Variants in IQSEC1 observed in about 807,000 individuals in gnomAD.
IQSEC1 encodes the protein IQ motif and Sec7 domain ArfGEF 1, also known as IQ motif and SEC7 domain-containing protein 1.
IQSEC1 carries 31 observed loss-of-function variants against 91.0 expected under a neutral mutation model. The observed-to-expected ratio is 0.34, with a 90% confidence interval of 0.26 to 0.46. IQSEC1 has a LOEUF of 0.46. IQSEC1 is among the 20% of genes least tolerant of loss of function. The pLI is 1.00. For missense variants in IQSEC1, 1,388 were observed against 1,575.6 expected, an observed-to-expected ratio of 0.88 and a Z score of 2.02; for synonymous variants, 699 against 662.6, an observed-to-expected ratio of 1.05 and a Z score of -0.84.
At chr3:12,944,107 A>G (rs1164506860) in intron 1 of IQSEC1, among the ~76,000 whole-genome samples, 1 of 152,108 alleles carries the variant, frequency 6.6e-6, no homozygotes, top group Non-Finnish European at 1.5e-5. Flanking sequence ...CAGTTTCCCT[A>G]TCAGTAACAC....
At chr3:13,026,310 C>T (rs906156224) in intron 1 of IQSEC1, among the ~76,000 whole-genome samples, 2 of 152,214 alleles carry the variant, frequency 1.3e-5, no homozygotes, top group African/African-American at 2.4e-5. Flanking sequence ...GTCCAGTTCC[C>T]TTAACCCCAT....
At chr3:13,139,484 A>G (rs1706764532) in intron 2 of IQSEC1, among the ~76,000 whole-genome samples, 1 of 152,204 alleles carries the variant, frequency 6.6e-6, no homozygotes, top group Admixed American at 6.5e-5. Flanking sequence ...AAGACCCCTG[A>G]GGGGCCACAG....
chr3:13,256,046 T>G (rs1488770722), intron 1 of IQSEC1, among the ~76,000 whole-genome samples: 1 of 152,158 alleles, frequency 6.6e-6, no homozygotes, highest in African/African-American at 2.4e-5. Flanking sequence ...AAGCTGCCAG[T>G]GGTGCCAAGG....
At chr3:13,039,563 C>A (rs1352377659) in intron 1 of IQSEC1, among the ~76,000 whole-genome samples, 1 of 152,222 alleles carries the variant, frequency 6.6e-6, no homozygotes, top group Admixed American at 6.5e-5. Flanking sequence ...CAGCCGCTTG[C>A]AAAGCCTCTA....
intron 1 of IQSEC1, among the ~76,000 whole-genome samples, chr3:12,947,992 G>A (rs1699294968): frequency 6.6e-6 from 1 of 152,232 alleles, no homozygotes; most frequent in Admixed American, 6.5e-5. Context: ...TCCTCCTGCT[G>A]CCCCGCCCCA....
chr3:13,239,864 G>A (rs543654911), intron 1 of IQSEC1, among the ~76,000 whole-genome samples: 8 of 152,304 alleles, frequency 5.3e-5, no homozygotes, highest in East Asian at 1.9e-4. Context: ...TGGGGGCCCC[G>A]AGGGGCTGCG....
chr3:13,084,367 G>A (rs929953582), intron 2 of IQSEC1, among the ~76,000 whole-genome samples: 1 of 152,146 alleles, frequency 6.6e-6, no homozygotes, highest in Non-Finnish European at 1.5e-5. Context: ...GCCTGTGTCC[G>A]GATGCTCTTT....
At chr3:13,255,720 G>A (rs1210750393) in intron 1 of IQSEC1, among the ~76,000 whole-genome samples, 3 of 152,076 alleles carry the variant, frequency 2.0e-5, no homozygotes, top group South Asian at 2.1e-4. Context: ...GGGCTCAAGC[G>A]ATCCTCCCAC....
intron 1 of IQSEC1, among the ~76,000 whole-genome samples, chr3:13,195,153 A>G (rs961497524): frequency 1.1e-4 from 17 of 152,356 alleles, no homozygotes; most frequent in African/African-American, 4.1e-4. Context: ...ACAGTAAAAC[A>G]CCAAACAATC....
intron 1 of IQSEC1, among the ~76,000 whole-genome samples, chr3:13,049,915 T>C (rs1704632116): frequency 6.6e-6 from 1 of 152,200 alleles, no homozygotes; most frequent in African/African-American, 2.4e-5. Flanking sequence ...GTACGGTCGC[T>C]GAAGTCTGCA....
chr3:13,107,531 C>T (rs574663340), intron 2 of IQSEC1, among the ~76,000 whole-genome samples: 30 of 152,358 alleles, frequency 2.0e-4, no homozygotes, highest in Middle Eastern at 3.4e-3. Context: ...GGCCACAGAG[C>T]TGGTAAGTGG....
chr3:13,212,066 G>A (rs1446991949), intron 1 of IQSEC1, among the ~76,000 whole-genome samples: 1 of 152,206 alleles, frequency 6.6e-6, no homozygotes, highest in East Asian at 1.9e-4. Flanking sequence ...ATTGTGTGCT[G>A]TGCCTCTGAG....
intron 2 of IQSEC1, among the ~76,000 whole-genome samples, chr3:13,135,831 G>A (rs181544156): frequency 3.5e-4 from 53 of 152,264 alleles, no homozygotes; most frequent in Non-Finnish European, 5.3e-4. Context: ...GAAGGCTGTC[G>A]AGGGCCCTAT....
At chr3:13,279,493 T>C (rs1695749999) in intron 1 of IQSEC1, among the ~76,000 whole-genome samples, 1 of 152,260 alleles carries the variant, frequency 6.6e-6, no homozygotes, top group African/African-American at 2.4e-5. Flanking sequence ...TAAAGGTTTC[T>C]GGACTTGTAC....
chr3:13,092,018 C>A (rs1259930264), intron 2 of IQSEC1, among the ~76,000 whole-genome samples: 2 of 152,070 alleles, frequency 1.3e-5, no homozygotes. Context: ...GTTCTAAGGG[C>A]CTGTGCATGG....
In IQSEC1 at chr3:12,899,840, T is replaced by C. The variant is rs1330630219; in HGVS notation, c.*1143A>G. On this transcript the variant is annotated 3_prime_UTR_variant, in exon 14 of 14. Coordinates refer to ENST00000613206, the MANE Select transcript of IQSEC1 (RefSeq NM_001134382.3). Reference sequence around the variant, plus strand: ...TGGGTTGGAGGCGGGATGAGGACGTTATGGTGTTGGGGAGACGAGGATGAG... The same window carrying C: ...TGGGTTGGAGGCGGGATGAGGACGTCATGGTGTTGGGGAGACGAGGATGAG... 3 of 985,024 alleles carry C rather than the reference T, an allele frequency of 3.0e-6. No individual in the cohort carries two copies. Among genetic ancestry groups the C allele is most frequent in the African/African-American group, 1.8e-5 (1 of 57,100 alleles). 61.0% of individuals were successfully genotyped at this position (985,024 alleles called of 1,614,324 possible).
chr3:13,172,675 T>C (rs1693640334), intron 1 of IQSEC1, among the ~76,000 whole-genome samples: 1 of 152,306 alleles, frequency 6.6e-6, no homozygotes, highest in African/African-American at 2.4e-5. Flanking sequence ...TCCCTTCGAA[T>C]TGGACATTGC....
intron 1 of IQSEC1, among the ~76,000 whole-genome samples, chr3:13,174,835 C>G (rs1037714673): frequency 3.1e-5 from 4 of 128,550 alleles, no homozygotes; most frequent in Non-Finnish European, 6.7e-5. Flanking sequence ...CTTTCTGCTC[C>G]CCCCCCCCAC....
intron 1 of IQSEC1, among the ~76,000 whole-genome samples, chr3:13,186,282 G>T (rs1693930759): frequency 1.3e-5 from 2 of 152,202 alleles, no homozygotes. Context: ...TGGAAGCTCT[G>T]TAAATATTCT....
Sources: gnomAD v4.1 joint callset for allele counts (sites outside exome capture counted in the v4.1 genomes callset) on GRCh38, gnomAD v4.1.1 for gene constraint, MANE v1.5 for transcripts, NCBI Gene and HGNC (gene_info 2026-07-23, HGNC 2026-07-21) for gene names.